Variants in SLC35F4 observed in about 807,000 individuals in gnomAD.
SLC35F4 encodes solute carrier family 35 member F4, also known as chromosome 14 open reading frame 36.
In SLC35F4, 24 loss-of-function variants were observed where a neutral mutation model predicts 44.2. The ratio of observed to expected loss-of-function variants is 0.54; its 90% CI spans 0.39 to 0.76. SLC35F4 has a LOEUF of 0.76. Among genes scored for constraint, SLC35F4 ranks in the 30% least tolerant of loss-of-function variants. The pLI is 0.00. For synonymous variants in SLC35F4, 238 were observed against 223.6 expected (o/e 1.06, Z -0.57); for missense variants, 562 against 586.1 (o/e 0.96, Z 0.42).
At chr14:57,683,256 T>C (rs1187506867) in intron 1 of SLC35F4, among the ~76,000 whole-genome samples, 1 of 152,208 alleles carries the variant, frequency 6.6e-6, no homozygotes, top group African/African-American at 2.4e-5. Flanking sequence ...ACAAAGTCAT[T>C]TGAATTTTTA....
intron 1 of SLC35F4, among the ~76,000 whole-genome samples, chr14:57,860,394 C>G (rs574374717): frequency 7.9e-5 from 12 of 152,272 alleles, no homozygotes; most frequent in Non-Finnish European, 1.8e-4. Flanking sequence ...AAATGCACTC[C>G]TTTACTGATA....
At chr14:57,957,541 C>T (rs1187123631) in intron 1 of SLC35F4, among the ~76,000 whole-genome samples, 1 of 152,144 alleles carries the variant, frequency 6.6e-6, no homozygotes, top group Non-Finnish European at 1.5e-5. Flanking sequence ...GGCACTTTCT[C>T]AGTCATTTGT....
intron 1 of SLC35F4, among the ~76,000 whole-genome samples, chr14:57,955,498 T>C (rs1050259696): frequency 5.9e-5 from 9 of 152,170 alleles, no homozygotes; most frequent in African/African-American, 2.2e-4. Context: ...GGAAGTCAAA[T>C]TGTCTCTGTT....
At chr14:57,739,278 G>A (rs2076545466) in intron 1 of SLC35F4, among the ~76,000 whole-genome samples, 1 of 152,136 alleles carries the variant, frequency 6.6e-6, no homozygotes, top group South Asian at 2.1e-4. Flanking sequence ...TCCCACATTC[G>A]AGACACCTCA....
chr14:57,981,961 CTG>C (rs1165006804), exon 1 of SLC35F4: 1 of 152,110 alleles, frequency 6.6e-6, no homozygotes, highest in Non-Finnish European at 1.5e-5. Context: ...AACTCACAGA[CTG>C]TCTTCTGCTG....
At chr14:57,636,927 T>C (rs2073038243) in intron 1 of SLC35F4, among the ~76,000 whole-genome samples, 1 of 152,260 alleles carries the variant, frequency 6.6e-6, no homozygotes, top group African/African-American at 2.4e-5. Context: ...AATGCTTTAT[T>C]TTCCAGAAAA....
intron 1 of SLC35F4, among the ~76,000 whole-genome samples, chr14:57,936,721 T>A (rs1182379860): frequency 6.6e-6 from 1 of 152,138 alleles, no homozygotes; most frequent in Non-Finnish European, 1.5e-5. Flanking sequence ...CTAGACTCAG[T>A]ATTGGGAAGT....
At position 57,845,933 on chromosome 14, in the gene SLC35F4, A is replaced by C. The variant is rs12432542; in HGVS notation, c.103+19790T>G. 5.9e-4 allele frequency among the ~76,000 whole-genome samples: 90 copies of C among 152,196 alleles called. 1 individual carries two copies. The highest frequency in any genetic ancestry group is 3.5e-3 in the Admixed American group (53 of 15,270). On this transcript the variant is annotated intron_variant, in intron 1 of 7. Transcript: ENST00000556826. Reference sequence around the variant, plus strand: ...TAGGAGAGCCACCATGAAATTCTACACTCCCAGCAAATATAATCAGAATGT... The same window carrying C: ...TAGGAGAGCCACCATGAAATTCTACCCTCCCAGCAAATATAATCAGAATGT...
At chr14:57,915,169 A>C (rs575930004) in intron 1 of SLC35F4, among the ~76,000 whole-genome samples, 1 of 152,306 alleles carries the variant, frequency 6.6e-6, no homozygotes, top group Admixed American at 6.5e-5. Context: ...CTGCACCAGA[A>C]AGTGGGAAAC....
chr14:57,843,064 C>G (rs926186521), intron 1 of SLC35F4, among the ~76,000 whole-genome samples: 2 of 152,140 alleles, frequency 1.3e-5, no homozygotes, highest in African/African-American at 2.4e-5. Context: ...CAGGGGCTAT[C>G]GAACCTTTAG....
At chr14:57,892,585 C>T (rs1395840258) in intron 1 of SLC35F4, among the ~76,000 whole-genome samples, 3 of 152,166 alleles carry the variant, frequency 2.0e-5, no homozygotes, top group South Asian at 2.1e-4. Context: ...ATTCATTTAA[C>T]GTTTACAAGA....
chr14:57,951,376 G>A (rs1030689416), intron 1 of SLC35F4, among the ~76,000 whole-genome samples: 15 of 152,140 alleles, frequency 9.9e-5, no homozygotes, highest in Admixed American at 1.3e-4. Context: ...GGCAGACACC[G>A]AGCTAGCTGG....
intron 1 of SLC35F4, among the ~76,000 whole-genome samples, chr14:57,795,503 A>T (rs527485415): frequency 4.2e-4 from 64 of 152,334 alleles, no homozygotes; most frequent in Non-Finnish European, 7.1e-4. Flanking sequence ...CAAATCATTT[A>T]GCCAGTCTGC....
intron 1 of SLC35F4, among the ~76,000 whole-genome samples, chr14:57,935,829 A>G (rs1442991433): frequency 6.6e-6 from 1 of 152,210 alleles, no homozygotes; most frequent in Non-Finnish European, 1.5e-5. Context: ...TAGTTTGTGG[A>G]AGAAAAAAAT....
chr14:57,862,179 A>C (rs2144074), intron 1 of SLC35F4, among the ~76,000 whole-genome samples: 69,990 of 151,944 alleles, frequency 0.46, 19,100 homozygotes, highest in African/African-American at 0.76. Context: ...TTTTACTCCT[A>C]TCTTTCTTAC....
chr14:57,630,678 A>AAT, intron 1 of SLC35F4: 1 of 650,682 alleles, frequency 1.5e-6, no homozygotes, highest in Non-Finnish European at 2.8e-6. Context: ...TCCTATGCTC[A>AAT]GTGGCCATTG....
At chr14:57,676,275 T>C (rs1044153095) in intron 1 of SLC35F4, among the ~76,000 whole-genome samples, 10 of 152,118 alleles carry the variant, frequency 6.6e-5, no homozygotes, top group African/African-American at 2.2e-4. Context: ...ATCATGTCCT[T>C]TGCAGCAACA....
At chr14:57,858,674 T>C (rs948242776) in intron 1 of SLC35F4, among the ~76,000 whole-genome samples, 2 of 149,912 alleles carry the variant, frequency 1.3e-5, no homozygotes, top group Non-Finnish European at 3.0e-5. Flanking sequence ...GAACTTAAAG[T>C]ATAATTTTAA....
intron 1 of SLC35F4, among the ~76,000 whole-genome samples, chr14:57,956,631 G>T (rs1222871531): frequency 6.6e-6 from 1 of 151,968 alleles, no homozygotes; most frequent in Non-Finnish European, 1.5e-5. Flanking sequence ...GTGGGCAAAG[G>T]ATAATAACAG....
Sources: allele counts gnomAD v4.1 joint callset (sites outside exome capture counted in the v4.1 genomes callset), GRCh38; gene constraint gnomAD v4.1.1; transcripts MANE v1.5; gene names NCBI Gene and HGNC (gene_info 2026-07-23, HGNC 2026-07-21).